Variants in ADCK1 observed in about 807,000 individuals in gnomAD.
ADCK1 encodes the protein aarF domain-containing protein kinase 1.
Under a neutral mutation model 52.3 loss-of-function variants are expected in ADCK1, and 41 were observed. That is an observed-to-expected ratio of 0.78 (90% CI 0.61 to 1.02). ADCK1 has a LOEUF of 1.02. ADCK1 is among the 50% of genes least tolerant of loss of function. The probability of loss-of-function intolerance (pLI) is 0.00; values close to 1 mark genes in which losing one functional copy is unlikely to be tolerated. For synonymous variants in ADCK1, 250 were observed against 274.6 expected (o/e 0.91, Z 0.89); for missense variants, 658 against 679.5 (o/e 0.97, Z 0.35).
chr14:77,836,769 C>CTTTTTTTTTT (rs1293120244), intron 3 of ADCK1, among the ~76,000 whole-genome samples: 4 of 75,270 alleles, frequency 5.3e-5, no homozygotes, highest in Non-Finnish European at 1.1e-4. Flanking sequence ...TTCTTTCTTT[C>CTTTTTTTTTT]TTTCTTTTTT....
At chr14:77,831,614 T>G (rs1207533541) in intron 3 of ADCK1, among the ~76,000 whole-genome samples, 1 of 152,174 alleles carries the variant, frequency 6.6e-6, no homozygotes, top group African/African-American at 2.4e-5. Flanking sequence ...AGACAGGGTC[T>G]TGCTTTGTTG....
rs559226646 is a variant in ADCK1, at chr14:77,807,885, C to T, written c.-12+7715C>T. Among the ~76,000 whole-genome samples the T allele has an allele frequency of 1.9e-3, 288 of 152,190 alleles. 1 individual carries two copies. The highest frequency in any genetic ancestry group is 3.4e-3 in the Non-Finnish European group (234 of 67,994). ...CTTGAACTCCTGACCTCAAGTGATC[C>T]ACCCGTCTCAGCCTCTCAAAGTGCT... On this transcript the variant is annotated intron_variant, in intron 1 of 10. Transcript: ENST00000238561.
intron 3 of ADCK1, among the ~76,000 whole-genome samples, chr14:77,842,464 C>A (rs1274122777): frequency 3.4e-5 from 2 of 59,254 alleles, no homozygotes; most frequent in African/African-American, 7.4e-5. Context: ...TCCTTCCTTC[C>A]TTCCTTCCTT....
At chr14:77,824,583 A>C (rs1209820503) in intron 3 of ADCK1, among the ~76,000 whole-genome samples, 1 of 150,436 alleles carries the variant, frequency 6.6e-6, no homozygotes, top group Admixed American at 6.6e-5. Context: ...ACAGGCACGC[A>C]CCACCACGCC....
intron 1 of ADCK1, among the ~76,000 whole-genome samples, chr14:77,816,904 T>TATATATATATG (rs1555346949): frequency 1.6e-5 from 1 of 64,160 alleles, no homozygotes; most frequent in African/African-American, 3.9e-5. Flanking sequence ...ATATATATAT[T>TATATATATATG]TAAAAAATGT....
At chr14:77,887,391 C>T (rs1023274854) in intron 5 of ADCK1, 142 bp downstream of exon 5, 1 of 973,390 alleles carries the variant, frequency 1.0e-6, no homozygotes, top group African/African-American at 1.7e-5. Context: ...GAGATTACGA[C>T]AGAGGAGGTG....
chr14:77,914,911 G>C (rs528941052), intron 7 of ADCK1, among the ~76,000 whole-genome samples: 28 of 151,878 alleles, frequency 1.8e-4, no homozygotes, highest in South Asian at 2.1e-4. Context: ...TTGGGTAATA[G>C]TCATCTATTA....
chr14:77,927,230 C>T lies in ADCK1; in HGVS notation c.1206+1269C>T, dbSNP rs80130105. 5.2e-3 allele frequency among the ~76,000 whole-genome samples: 797 copies of T among 152,308 alleles called. 50 individuals are homozygous for T. The East Asian group carries it at 0.14, about 26-fold the overall frequency. On this transcript the variant is annotated intron_variant, in intron 9 of 10. Coordinates refer to ENST00000238561, the MANE Select transcript of ADCK1 (RefSeq NM_020421.4). ...ACCATCCGTCCCCATCTCTCGGCTC[C>T]GCTTTCCTCCAAGTTGACATCCTTC...
intron 5 of ADCK1, among the ~76,000 whole-genome samples, chr14:77,894,733 C>CTTTTTT (rs1566710773): frequency 2.6e-5 from 1 of 38,404 alleles, no homozygotes; most frequent in African/African-American, 7.6e-5. Context: ...CTTTTCTTTT[C>CTTTTTT]TTGTTTTTTT....
At chr14:77,876,263 C>T (rs1003913207) in intron 4 of ADCK1, among the ~76,000 whole-genome samples, 9 of 152,168 alleles carry the variant, frequency 5.9e-5, no homozygotes, top group Non-Finnish European at 1.3e-4. Context: ...CTTGTGGCCC[C>T]TTCCTTCATC....
At chr14:77,862,339 G>C (rs1368050046) in intron 4 of ADCK1, among the ~76,000 whole-genome samples, 8 of 152,146 alleles carry the variant, frequency 5.3e-5, no homozygotes, top group Non-Finnish European at 1.0e-4. Flanking sequence ...CCCCTTGACT[G>C]CCCTTGGGGC....
At chr14:77,916,623 T>A (rs2083931453) in intron 7 of ADCK1, among the ~76,000 whole-genome samples, 1 of 152,078 alleles carries the variant, frequency 6.6e-6, no homozygotes, top group South Asian at 2.1e-4. Flanking sequence ...CCTAGATAAT[T>A]TTTGTATTTC....
intron 1 of ADCK1, among the ~76,000 whole-genome samples, chr14:77,816,961 G>A (rs2081468083): frequency 1.3e-5 from 2 of 150,376 alleles, no homozygotes; most frequent in Admixed American, 1.3e-4. Context: ...AAGAAAATGA[G>A]TAGGGCGTGG....
chr14:77,840,513 G>A (rs2082045195), intron 3 of ADCK1, among the ~76,000 whole-genome samples: 1 of 152,070 alleles, frequency 6.6e-6, no homozygotes, highest in Admixed American at 6.6e-5. Context: ...GGGCCAATCT[G>A]AGTAATTCTG....
intron 1 of ADCK1, among the ~76,000 whole-genome samples, chr14:77,817,509 G>A (rs976465153): frequency 3.3e-5 from 5 of 152,200 alleles, no homozygotes; most frequent in African/African-American, 1.2e-4. Flanking sequence ...ACTCTGTTGG[G>A]TGCACTGGCC....
intron 4 of ADCK1, among the ~76,000 whole-genome samples, chr14:77,874,191 G>T (rs949868303): frequency 1.3e-5 from 2 of 152,212 alleles, no homozygotes; most frequent in African/African-American, 2.4e-5. Context: ...TGCTTTGCTT[G>T]AGTTCTCTTG....
intron 9 of ADCK1, among the ~76,000 whole-genome samples, chr14:77,929,425 G>T (rs556669492): frequency 6.6e-6 from 1 of 152,294 alleles, no homozygotes; most frequent in Admixed American, 6.5e-5. Flanking sequence ...GGAATAAGGC[G>T]CTATGTCTCC....
chr14:77,866,909 C>T (rs1014096992), intron 4 of ADCK1, among the ~76,000 whole-genome samples: 1 of 152,212 alleles, frequency 6.6e-6, no homozygotes, highest in Non-Finnish European at 1.5e-5. Flanking sequence ...TCTGACTCCA[C>T]CTGTGCCTGC....
At chr14:77,826,128 C>T (rs1386185380) in intron 3 of ADCK1, among the ~76,000 whole-genome samples, 4 of 152,204 alleles carry the variant, frequency 2.6e-5, no homozygotes, top group Non-Finnish European at 1.5e-5. Flanking sequence ...GACAAGAGAA[C>T]AGCACGTGGC....
Sources: gnomAD v4.1 joint callset for allele counts (sites outside exome capture counted in the v4.1 genomes callset) on GRCh38, gnomAD v4.1.1 for gene constraint, MANE v1.5 for transcripts, NCBI Gene and HGNC (gene_info 2026-07-23, HGNC 2026-07-21) for gene names.